MICU2: variants seen among roughly 807,000 people sequenced by gnomAD.
MICU2 encodes mitochondrial calcium uptake 2.
MICU2 carries 64 observed loss-of-function variants against 60.4 expected under a neutral mutation model. The ratio of observed to expected loss-of-function variants is 1.06; its 90% CI spans 0.87 to 1.31. The LOEUF is 1.31. Ranked by LOEUF, MICU2 falls within the 50% of genes most tolerant of loss-of-function variation. The pLI, the probability that MICU2 is intolerant of heterozygous loss-of-function variation, is 0.00. For missense variants in MICU2, 569 were observed against 531.0 expected (o/e 1.07, Z -0.70); for synonymous variants, 201 against 175.0 (o/e 1.15, Z -1.17).
chr13:21,566,662 A>G (rs1887989464), intron 2 of MICU2, 135 bp downstream of exon 2: 4 of 679,768 alleles, frequency 5.9e-6, no homozygotes, highest in Non-Finnish European at 9.5e-6. Context: ...TGTCACAAGA[A>G]AAGTCTAAAT....
intron 6 of MICU2, among the ~76,000 whole-genome samples, chr13:21,518,396 C>T (rs939168685): frequency 6.6e-6 from 1 of 152,178 alleles, no homozygotes; most frequent in Non-Finnish European, 1.5e-5. Flanking sequence ...CCACATATCA[C>T]TAAACATTAC....
intron 1 of MICU2, among the ~76,000 whole-genome samples, chr13:21,592,330 TG>T (rs1271634235): frequency 2.6e-5 from 4 of 152,116 alleles, no homozygotes; most frequent in African/African-American, 9.7e-5. Flanking sequence ...GTCGAATCCT[TG>T]AATAGACCAA....
At position 21,496,034 on chromosome 13, in the gene MICU2, G is replaced by A; in HGVS notation, c.1042+18C>T. 1 of 1,559,756 alleles carries A rather than the reference G, an allele frequency of 6.4e-7. No individual in the cohort carries two copies. The highest frequency in any genetic ancestry group is 1.2e-5 in the South Asian group (1 of 86,558). On this transcript the variant is annotated intron_variant, in intron 10 of 11. Transcript: ENST00000382374. ...GTTTATAGATGATAAAAATTAAATG[G>A]TTTTTCATATAACTTACCTAGTCTG...
intron 1 of MICU2, among the ~76,000 whole-genome samples, chr13:21,573,564 G>T (rs1478925639): frequency 6.6e-6 from 1 of 152,078 alleles, no homozygotes; most frequent in African/African-American, 2.4e-5. Flanking sequence ...GAGCCACTGC[G>T]CCCAGCTTGC....
chr13:21,536,562 G>C (rs754047517), intron 4 of MICU2, among the ~76,000 whole-genome samples: 3 of 152,070 alleles, frequency 2.0e-5, no homozygotes, highest in Non-Finnish European at 4.4e-5. Context: ...TGAACTCCTG[G>C]GCTCAAGCTA....
chr13:21,559,312 GTTA>G (rs1277086705), intron 2 of MICU2, among the ~76,000 whole-genome samples: 1 of 152,172 alleles, frequency 6.6e-6, no homozygotes, highest in Admixed American at 6.5e-5. Context: ...TATCCAGTCT[GTTA>G]TTAAGGGACA....
chr13:21,549,092 A>ATTT (rs745455755), intron 2 of MICU2, among the ~76,000 whole-genome samples: 1 of 146,380 alleles, frequency 6.8e-6, no homozygotes, highest in African/African-American at 2.5e-5. Flanking sequence ...CACCTGGCTC[A>ATTT]TTTTTTTTTT....
intron 4 of MICU2, among the ~76,000 whole-genome samples, chr13:21,526,004 G>A (rs77170240): frequency 0.014 from 2,115 of 151,696 alleles, 24 homozygotes; most frequent in Non-Finnish European, 0.022. Flanking sequence ...GCACAGTAGT[G>A]GTTCACTGCA....
At chr13:21,562,989 G>A (rs766383685) in intron 2 of MICU2, among the ~76,000 whole-genome samples, 23 of 151,994 alleles carry the variant, frequency 1.5e-4, no homozygotes, top group Non-Finnish European at 2.8e-4. Context: ...ACTTTTGAAG[G>A]ATAATTTTCA....
chr13:21,555,937 CTT>C lies in MICU2; in HGVS notation c.358+10858_358+10859del, dbSNP rs575716813. Among the ~76,000 whole-genome samples, 266 of 152,326 alleles carry C rather than the reference CTT, an allele frequency of 1.7e-3. 3 individuals are homozygous for C. The highest frequency in any genetic ancestry group is 6.2e-3 in the African/African-American group (257 of 41,578). On this transcript the variant is annotated intron_variant, in intron 2 of 11. Coordinates refer to ENST00000382374, the MANE Select transcript of MICU2 (RefSeq NM_152726.3). ...ACTGTGCTCTCAAACTCTTTTCCCTCTTGTCTTCACAAGGACTGTGTTTTAGA... is the reference window on the plus strand; with the variant it reads ...ACTGTGCTCTCAAACTCTTTTCCCTCGTCTTCACAAGGACTGTGTTTTAGA...
chr13:21,558,968 C>T (rs1887773718), intron 2 of MICU2, among the ~76,000 whole-genome samples: 1 of 152,086 alleles, frequency 6.6e-6, no homozygotes, highest in Non-Finnish European at 1.5e-5. Context: ...GAGAGGAAAC[C>T]CTCTGTTCTT....
intron 8 of MICU2, among the ~76,000 whole-genome samples, chr13:21,506,519 T>C (rs112259745): frequency 4.6e-5 from 7 of 152,332 alleles, no homozygotes; most frequent in African/African-American, 1.7e-4. Flanking sequence ...TGGAAATGTG[T>C]CTTTTTGATT....
chr13:21,576,353 T>C (rs926801664), intron 1 of MICU2, among the ~76,000 whole-genome samples: 2 of 152,132 alleles, frequency 1.3e-5, no homozygotes, highest in Non-Finnish European at 2.9e-5. Flanking sequence ...AGGAATCTTA[T>C]GTACCCATGC....
intron 3 of MICU2, 124 bp from the exon 4 acceptor site, chr13:21,539,501 CTG>C: frequency 1.6e-6 from 2 of 1,283,980 alleles, no homozygotes; most frequent in Non-Finnish European, 1.1e-6. Context: ...CAGGGCTTCA[CTG>C]TGTTAGCCAG....
At chr13:21,522,320 T>C (rs1593324436) in intron 5 of MICU2, among the ~76,000 whole-genome samples, 1 of 152,176 alleles carries the variant, frequency 6.6e-6, no homozygotes. Context: ...AGGAATTTTG[T>C]ATAATGTCAG....
chr13:21,581,771 A>G (rs986297289), intron 1 of MICU2, among the ~76,000 whole-genome samples: 4 of 152,324 alleles, frequency 2.6e-5, no homozygotes, highest in South Asian at 2.1e-4. Flanking sequence ...CTTACCCAAC[A>G]TGACTAAGTA....
rs201764277 is a variant in MICU2 at position 21,539,255 on chromosome 13, G to T, written c.466+47C>A. On this transcript the variant is annotated intron_variant, in intron 4 of 11. Coordinates refer to ENST00000382374, the MANE Select transcript of MICU2 (RefSeq NM_152726.3). ...ACCTTAATTCCTTAATAATACTTCAGTTAAATAAAACACATAACTAGAAAT... is the reference window on the plus strand; with the variant it reads ...ACCTTAATTCCTTAATAATACTTCATTTAAATAAAACACATAACTAGAAAT... The T allele has an allele frequency of 3.3e-4, 503 of 1,508,278 alleles. 3 individuals are homozygous for T. In the African/African-American group the frequency reaches 6.4e-3, roughly 19 times the overall value. The allele number at this position is 1,508,278 out of a possible 1,614,324, so 93.4% of individuals were successfully genotyped here. A position where few individuals can be genotyped will look rare whatever the true frequency, so the allele number is the denominator to read the frequency against.
intron 4 of MICU2, chr13:21,531,117 C>T: frequency 1.1e-6 from 1 of 927,782 alleles, no homozygotes; most frequent in Non-Finnish European, 1.8e-6. Context: ...TTCCCCCTAC[C>T]TAATTGCCTT....
At chr13:21,564,644 G>T (rs2138037069) in intron 2 of MICU2, among the ~76,000 whole-genome samples, 1 of 152,230 alleles carries the variant, frequency 6.6e-6, no homozygotes, top group South Asian at 2.1e-4. Context: ...GGATAGATTT[G>T]GGAATTTCCA....
Sources: allele counts gnomAD v4.1 joint callset (sites outside exome capture counted in the v4.1 genomes callset), GRCh38; gene constraint gnomAD v4.1.1; transcripts MANE v1.5; gene names NCBI Gene and HGNC (gene_info 2026-07-23, HGNC 2026-07-21).